GALNTL6: variants seen among roughly 807,000 people sequenced by gnomAD.
GALNTL6 encodes the protein polypeptide N-acetylgalactosaminyltransferase like 6.
Under a neutral mutation model 73.7 loss-of-function variants are expected in GALNTL6, and 46 were observed. The observed-to-expected ratio is 0.62, with a 90% CI of 0.49 to 0.80. The LOEUF (loss-of-function observed/expected upper bound fraction) is 0.80. Ranked by LOEUF, GALNTL6 falls within the 30% of genes least tolerant of loss-of-function variation. The pLI is 0.00. For synonymous variants in GALNTL6, 259 were observed against 263.7 expected (o/e 0.98, Z 0.17); for missense variants, 604 against 755.0 (o/e 0.80, Z 2.34).
intron 2 of GALNTL6, among the ~76,000 whole-genome samples, chr4:172,154,688 C>G (rs1289862421): frequency 6.6e-6 from 1 of 152,204 alleles, no homozygotes; most frequent in South Asian, 2.1e-4. Flanking sequence ...TGAAAACTGG[C>G]AGGCATACTT....
At chr4:173,012,178 CA>C (rs1242502945) in intron 11 of GALNTL6, among the ~76,000 whole-genome samples, 1 of 152,064 alleles carries the variant, frequency 6.6e-6, no homozygotes, top group Non-Finnish European at 1.5e-5. Context: ...TTATGAAAAG[CA>C]AAAAAGCAAG....
At chr4:171,905,581 C>T (rs1352248489) in intron 2 of GALNTL6, among the ~76,000 whole-genome samples, 2 of 150,016 alleles carry the variant, frequency 1.3e-5, no homozygotes, top group African/African-American at 5.0e-5. Flanking sequence ...TTAGACAGAT[C>T]AACGAGACAG....
chr4:172,384,866 C>G (rs1479533827), intron 5 of GALNTL6, among the ~76,000 whole-genome samples: 1 of 151,896 alleles, frequency 6.6e-6, no homozygotes, highest in East Asian at 1.9e-4. Context: ...TCTGTTTCAG[C>G]CTCTGAGTAA....
At chr4:172,489,832 C>G (rs1561108348) in intron 5 of GALNTL6, among the ~76,000 whole-genome samples, 2 of 152,204 alleles carry the variant, frequency 1.3e-5, no homozygotes, top group Admixed American at 6.5e-5. Context: ...TTACACTATA[C>G]TTTCATTAAA....
At chr4:172,624,244 G>A (rs775249699) in intron 5 of GALNTL6, among the ~76,000 whole-genome samples, 2 of 151,964 alleles carry the variant, frequency 1.3e-5, no homozygotes, top group Non-Finnish European at 2.9e-5. Flanking sequence ...CTTAACAGGA[G>A]TGCTTTTTTG....
intron 3 of GALNTL6, among the ~76,000 whole-genome samples, chr4:172,261,902 T>C (rs1379664227): frequency 1.3e-5 from 2 of 151,380 alleles, no homozygotes; most frequent in Admixed American, 6.6e-5. Flanking sequence ...TCTGCTGTTA[T>C]GTTACCATAA....
In GALNTL6 at chr4:172,832,993, C is replaced by A. The variant is rs1161623962; in HGVS notation, c.923+19270C>A. ...CAGGCCTATGTCACAGCCACTTCCA[C>A]CCCCATGGCTCTGGCCAGGTGGGAA... On this transcript the variant is annotated intron_variant, in intron 7 of 12. Coordinates refer to ENST00000506823, the MANE Select transcript of GALNTL6 (RefSeq NM_001034845.3). 4.6e-5 allele frequency among the ~76,000 whole-genome samples: 7 copies of A among 152,192 alleles called. No homozygotes were observed. The East Asian group carries it at 1.4e-3, about 30-fold the overall frequency.
At chr4:172,521,229 A>G (rs1247388541) in intron 5 of GALNTL6, among the ~76,000 whole-genome samples, 3 of 152,154 alleles carry the variant, frequency 2.0e-5, no homozygotes, top group Non-Finnish European at 4.4e-5. Context: ...TTAAGACAGT[A>G]TCTGTTTTGT....
chr4:172,089,464 G>T (rs1032968605), intron 2 of GALNTL6, among the ~76,000 whole-genome samples: 2 of 152,106 alleles, frequency 1.3e-5, no homozygotes, highest in African/African-American at 4.8e-5. Flanking sequence ...AGTTTGCAGG[G>T]CTTTAGGAAA....
At chr4:172,052,807 C>T (rs1482302410) in intron 2 of GALNTL6, among the ~76,000 whole-genome samples, 1 of 152,094 alleles carries the variant, frequency 6.6e-6, no homozygotes, top group Non-Finnish European at 1.5e-5. Flanking sequence ...ATGAACTTTT[C>T]CTATATAACT....
intron 5 of GALNTL6, among the ~76,000 whole-genome samples, chr4:172,664,482 C>A (rs543391108): frequency 6.6e-6 from 1 of 152,200 alleles, no homozygotes; most frequent in Non-Finnish European, 1.5e-5. Flanking sequence ...AATCTCTTGT[C>A]TCTTTTCCTC....
At chr4:172,881,794 A>G (rs1314402683) in intron 7 of GALNTL6, among the ~76,000 whole-genome samples, 2 of 152,164 alleles carry the variant, frequency 1.3e-5, no homozygotes, top group African/African-American at 4.8e-5. Flanking sequence ...ATCCATTTGT[A>G]TATAGTTATC....
intron 2 of GALNTL6, among the ~76,000 whole-genome samples, chr4:171,909,138 G>T: frequency 9.2e-6 from 1 of 108,956 alleles, no homozygotes; most frequent in African/African-American, 4.1e-5. Context: ...AAAACTTAAA[G>T]TATAATAATA....
chr4:172,017,116 G>T (rs72698935), intron 2 of GALNTL6, among the ~76,000 whole-genome samples: 15,163 of 152,156 alleles, frequency 0.1, 1,852 homozygotes, highest in African/African-American at 0.29. Context: ...CAGGTGGGTA[G>T]ATGTAATACC....
At chr4:172,319,619 G>C (rs1740685962) in intron 4 of GALNTL6, among the ~76,000 whole-genome samples, 1 of 151,992 alleles carries the variant, frequency 6.6e-6, no homozygotes, top group South Asian at 2.1e-4. Context: ...TAGAAATCCT[G>C]GTAAGTATTT....
intron 5 of GALNTL6, among the ~76,000 whole-genome samples, chr4:172,371,106 G>C (rs1392586003): frequency 6.6e-6 from 1 of 152,198 alleles, no homozygotes; most frequent in Non-Finnish European, 1.5e-5. Flanking sequence ...AGTGCAAACA[G>C]CTCACACGTT....
At chr4:172,324,811 C>T (rs926771871) in intron 4 of GALNTL6, among the ~76,000 whole-genome samples, 2 of 150,562 alleles carry the variant, frequency 1.3e-5, no homozygotes, top group African/African-American at 4.8e-5. Context: ...AATTAAATAG[C>T]ATTTATAAAG....
chr4:172,878,826 A>G (rs549069853), intron 7 of GALNTL6, among the ~76,000 whole-genome samples: 5 of 151,994 alleles, frequency 3.3e-5, no homozygotes, highest in African/African-American at 1.2e-4. Context: ...TCCAGTTGAC[A>G]TGCAAGATGC....
intron 7 of GALNTL6, among the ~76,000 whole-genome samples, chr4:172,822,324 G>A (rs1003217524): frequency 1.3e-5 from 2 of 151,804 alleles, no homozygotes; most frequent in African/African-American, 4.8e-5. Flanking sequence ...TTCTCACTGC[G>A]ACTTCTGTAA....
Sources: gnomAD v4.1 joint callset for allele counts (sites outside exome capture counted in the v4.1 genomes callset) on GRCh38, gnomAD v4.1.1 for gene constraint, MANE v1.5 for transcripts, NCBI Gene and HGNC (gene_info 2026-07-23, HGNC 2026-07-21) for gene names.